Variants in ADAM22 observed in about 807,000 individuals in gnomAD.
ADAM22 encodes ADAM metallopeptidase domain 22, also known as disintegrin and metalloproteinase domain-containing protein 22.
Under a neutral mutation model 144.6 loss-of-function variants are expected in ADAM22, and 65 were observed. That is an observed-to-expected ratio of 0.45 (90% CI 0.37 to 0.55). The LOEUF (loss-of-function observed/expected upper bound fraction) is 0.55. ADAM22 is among the 20% of genes least tolerant of loss of function. The probability of loss-of-function intolerance (pLI) is 0.00; values close to 1 mark genes in which losing one functional copy is unlikely to be tolerated. For synonymous variants in ADAM22, 391 were observed against 412.6 expected (o/e 0.95, Z 0.63); for missense variants, 974 against 1,184.9 (o/e 0.82, Z 2.61).
chr7:87,963,388 G>GT (rs1848396258), intron 2 of ADAM22, among the ~76,000 whole-genome samples: 1 of 152,122 alleles, frequency 6.6e-6, no homozygotes, highest in African/African-American at 2.4e-5. Flanking sequence ...TAAATAAAAA[G>GT]TGACCTCCGT....
chr7:88,196,022 G>A (rs932931475), intron 31 of ADAM22, among the ~76,000 whole-genome samples: 1 of 152,154 alleles, frequency 6.6e-6, no homozygotes, highest in Non-Finnish European at 1.5e-5. Context: ...AGTTGGTCTG[G>A]TGTGGTGCCT....
chr7:88,128,578 GCT>G (rs746044102), intron 8 of ADAM22, 22 bp from the exon 9 acceptor site: 1 of 1,590,532 alleles, frequency 6.3e-7, no homozygotes, highest in Non-Finnish European at 8.6e-7. Flanking sequence ...TGAATTAGGT[GCT>G]GTTTCCTTTC....
chr7:88,148,189 C>T (rs183721722), intron 17 of ADAM22, among the ~76,000 whole-genome samples: 58 of 152,084 alleles, frequency 3.8e-4, no homozygotes, highest in Middle Eastern at 6.8e-3. Flanking sequence ...ATAACATGTG[C>T]CTTTGTGTGA....
chr7:88,166,053 T>C (rs1842877557), intron 24 of ADAM22, 107 bp downstream of exon 24: 1 of 703,384 alleles, frequency 1.4e-6, no homozygotes, highest in South Asian at 2.1e-5. Context: ...AAATACATTC[T>C]CATAATAATG....
intron 9 of ADAM22, among the ~76,000 whole-genome samples, chr7:88,129,047 G>A (rs1831111578): frequency 6.6e-6 from 1 of 151,890 alleles, no homozygotes; most frequent in African/African-American, 2.4e-5. Flanking sequence ...AGTTCGCGGG[G>A]TACACCTTTA....
chr7:88,171,177 A>G (rs1264059114), intron 25 of ADAM22, among the ~76,000 whole-genome samples: 3 of 151,982 alleles, frequency 2.0e-5, no homozygotes, highest in Admixed American at 6.6e-5. Context: ...TTATTTATAT[A>G]AGTAACTTGA....
chr7:87,949,159 G>A (rs1466228164), intron 2 of ADAM22, among the ~76,000 whole-genome samples: 1 of 152,096 alleles, frequency 6.6e-6, no homozygotes, highest in African/African-American at 2.4e-5. Context: ...ACCCCTCCTG[G>A]CCCAGCAGAG....
chr7:87,936,771 G>A (rs1215258947), intron 2 of ADAM22, among the ~76,000 whole-genome samples: 2 of 151,412 alleles, frequency 1.3e-5, no homozygotes, highest in East Asian at 1.9e-4. Flanking sequence ...CAAATATCCT[G>A]TTTTTCAAAT....
chr7:87,976,807 T>C (rs1201343076), intron 2 of ADAM22, among the ~76,000 whole-genome samples: 2 of 151,642 alleles, frequency 1.3e-5, no homozygotes, highest in African/African-American at 4.8e-5. Flanking sequence ...TGTACCATTA[T>C]GCCTGGGGTG....
chr7:88,136,295 C>T (rs1832970476), intron 14 of ADAM22, among the ~76,000 whole-genome samples: 1 of 151,966 alleles, frequency 6.6e-6, no homozygotes, highest in South Asian at 2.1e-4. Flanking sequence ...CCTGCTAATT[C>T]CCTTTCCTTT....
At chr7:88,019,857 ATG>A (rs35909431) in intron 3 of ADAM22, among the ~76,000 whole-genome samples, 19,026 of 138,682 alleles carry the variant, frequency 0.14, 1,228 homozygotes, top group East Asian at 0.17. Context: ...CTCAAAAAAT[ATG>A]TGTGTGTGTG....
Position 88,143,023 on chromosome 7 carries a change from T to C in ADAM22, c.1221-3T>C. 6.3e-7 allele frequency: 1 copy of C among 1,582,690 alleles called. No individual in the cohort carries two copies. The highest frequency in any genetic ancestry group is 8.7e-7 in the Non-Finnish European group (1 of 1,154,714). The stretch of plus-strand genomic sequence containing the variant: ...CAGCTATTGCTTTTCTTCTCTTTTA[T>C]AGCTATTATCTTCCTAAAAAGTTCA... On this transcript the variant is annotated splice_region_variant and splice_polypyrimidine_tract_variant and intron_variant, in intron 14 of 31. Transcript: ENST00000413139.
At chr7:88,076,084 G>C (rs1246202979) in intron 4 of ADAM22, among the ~76,000 whole-genome samples, 1 of 152,092 alleles carries the variant, frequency 6.6e-6, no homozygotes, top group African/African-American at 2.4e-5. Context: ...CGCGATCTCA[G>C]CTCACTGCAA....
At chr7:88,117,722 C>T (rs1390849231) in intron 7 of ADAM22, among the ~76,000 whole-genome samples, 2 of 139,722 alleles carry the variant, frequency 1.4e-5, no homozygotes, top group Non-Finnish European at 3.0e-5. Context: ...GAGACAAAGT[C>T]TTGCTCTATC....
intron 23 of ADAM22, among the ~76,000 whole-genome samples, chr7:88,164,884 T>G (rs1842601348): frequency 6.6e-6 from 1 of 152,100 alleles, no homozygotes. Flanking sequence ...CTGATTAAGG[T>G]CCCTTAGTAA....
At chr7:88,069,044 G>T (rs77047093) in intron 3 of ADAM22, among the ~76,000 whole-genome samples, 1 of 152,002 alleles carries the variant, frequency 6.6e-6, no homozygotes, top group Non-Finnish European at 1.5e-5. Context: ...CCTGGGATTG[G>T]TGCCTTATTA....
At chr7:88,031,488 G>A (rs1268438874) in intron 3 of ADAM22, among the ~76,000 whole-genome samples, 2 of 152,226 alleles carry the variant, frequency 1.3e-5, no homozygotes, top group Non-Finnish European at 2.9e-5. Context: ...CTTTGCTTTA[G>A]CAGAGACTGG....
chr7:88,043,426 A>C (rs1468089053), intron 3 of ADAM22, among the ~76,000 whole-genome samples: 1 of 151,198 alleles, frequency 6.6e-6, no homozygotes, highest in Admixed American at 6.6e-5. Flanking sequence ...CAGAGCTTGC[A>C]GTGAGCCTAG....
intron 4 of ADAM22, among the ~76,000 whole-genome samples, chr7:88,083,266 C>G (rs923472231): frequency 6.6e-6 from 1 of 151,932 alleles, no homozygotes; most frequent in Non-Finnish European, 1.5e-5. Flanking sequence ...CATGTTCTCA[C>G]TCATAGGTGA....
Sources: allele counts gnomAD v4.1 joint callset (sites outside exome capture counted in the v4.1 genomes callset), GRCh38; gene constraint gnomAD v4.1.1; transcripts MANE v1.5; gene names NCBI Gene and HGNC (gene_info 2026-07-23, HGNC 2026-07-21).